Variants in CYP2C19 observed in about 807,000 individuals in gnomAD.
CYP2C19 encodes cytochrome P450 family 2 subfamily C member 19.
A neutral mutation model predicts 40.9 loss-of-function variants in CYP2C19; 59 were observed. That is an observed-to-expected ratio of 1.44 (90% CI 1.17 to 1.79). The LOEUF is 1.79. Ranked by LOEUF, CYP2C19 falls within the 40% of genes most tolerant of loss-of-function variation. The pLI is 0.00. For synonymous variants in CYP2C19, 253 were observed against 208.7 expected (o/e 1.21, Z -1.83); for missense variants, 754 against 596.9 (o/e 1.26, Z -2.74).
chr10:94,804,264 G>A (rs1848803973), intron 5 of CYP2C19, among the ~76,000 whole-genome samples: 1 of 152,176 alleles, frequency 6.6e-6, no homozygotes, highest in South Asian at 2.1e-4. Context: ...GAGAACTGCT[G>A]TAGCAGCTCT....
chr10:94,771,660 C>G (rs552237335), intron 1 of CYP2C19, among the ~76,000 whole-genome samples: 1 of 152,024 alleles, frequency 6.6e-6, no homozygotes, highest in Non-Finnish European at 1.5e-5. Context: ...TGTCTCTCAT[C>G]GGAAAGACAA....
At chr10:94,793,916 A>G (rs897789322) in intron 5 of CYP2C19, among the ~76,000 whole-genome samples, 3 of 152,114 alleles carry the variant, frequency 2.0e-5, no homozygotes, top group East Asian at 1.9e-4. Flanking sequence ...AGTCTGCAGA[A>G]GTTTCTGCTG....
chr10:94,816,802 C>G (rs966668082), intron 5 of CYP2C19, among the ~76,000 whole-genome samples: 32 of 148,564 alleles, frequency 2.2e-4, no homozygotes, highest in African/African-American at 7.2e-4. Flanking sequence ...TTGTTCAATT[C>G]CCACCTATGA....
In CYP2C19 at chr10:94,855,253, C is replaced by T. The variant is rs1167286427; in HGVS notation, c.*2339C>T. 6.6e-6 allele frequency among the ~76,000 whole-genome samples: 1 copy of T among 152,168 alleles called. No individual in the cohort carries two copies. The highest frequency in any genetic ancestry group is 1.5e-5 in the Non-Finnish European group (1 of 68,040). ...TCCAGACATTATTTAGCCTACCATA[C>T]TATTATTATACCCATTTGAACAACC... is the stretch of plus-strand genomic sequence containing the variant. On this transcript the variant is annotated 3_prime_UTR_variant, in exon 9 of 9. Coordinates refer to ENST00000371321, the MANE Select transcript of CYP2C19 (RefSeq NM_000769.4).
At chr10:94,797,906 G>T (rs930925834) in intron 5 of CYP2C19, among the ~76,000 whole-genome samples, 2 of 151,750 alleles carry the variant, frequency 1.3e-5, no homozygotes, top group African/African-American at 4.8e-5. Flanking sequence ...TCTTCCTAGT[G>T]GTCTATCAGT....
At chr10:94,813,274 G>C (rs1226669519) in intron 5 of CYP2C19, among the ~76,000 whole-genome samples, 4 of 151,974 alleles carry the variant, frequency 2.6e-5, no homozygotes, top group African/African-American at 9.7e-5. Flanking sequence ...CCAGATACCA[G>C]CCAAAGCTCT....
intron 1 of CYP2C19, chr10:94,774,668 A>G (rs1848382272): frequency 9.5e-6 from 2 of 211,200 alleles, no homozygotes; most frequent in African/African-American, 4.7e-5. Flanking sequence ...AAGAGTGCTG[A>G]TAAATTTCTC....
intron 5 of CYP2C19, among the ~76,000 whole-genome samples, chr10:94,799,406 C>A (rs1848733981): frequency 6.6e-6 from 1 of 152,138 alleles, no homozygotes; most frequent in African/African-American, 2.4e-5. Flanking sequence ...TTGTGGGTAA[C>A]CTGAGATTTC....
intron 5 of CYP2C19, among the ~76,000 whole-genome samples, chr10:94,808,635 G>A (rs749907451): frequency 1.3e-5 from 2 of 151,922 alleles, no homozygotes; most frequent in Non-Finnish European, 2.9e-5. Flanking sequence ...TATCTCCATG[G>A]GCTCAATTGT....
intron 3 of CYP2C19, among the ~76,000 whole-genome samples, chr10:94,777,886 A>G (rs752539095): frequency 2.6e-5 from 4 of 152,140 alleles, no homozygotes; most frequent in Non-Finnish European, 5.9e-5. Context: ...AATTTTTGCA[A>G]TCTGTCCATT....
intron 5 of CYP2C19, among the ~76,000 whole-genome samples, chr10:94,794,780 T>A (rs1277160919): frequency 6.6e-6 from 1 of 152,144 alleles, no homozygotes; most frequent in African/African-American, 2.4e-5. Flanking sequence ...CTGAAGTTGC[T>A]TATCAGCTTA....
chr10:94,809,512 C>G (rs1237771041), intron 5 of CYP2C19, among the ~76,000 whole-genome samples: 1 of 152,036 alleles, frequency 6.6e-6, no homozygotes, highest in Admixed American at 6.6e-5. Flanking sequence ...TGCAAACAGA[C>G]AAAATTTGAT....
chr10:94,771,982 A>T (rs1848340188), intron 1 of CYP2C19, among the ~76,000 whole-genome samples: 1 of 152,070 alleles, frequency 6.6e-6, no homozygotes, highest in Non-Finnish European at 1.5e-5. Flanking sequence ...GACTGAGAAA[A>T]ATCAGATTTA....
At chr10:94,830,323 A>G (rs1160726899) in intron 6 of CYP2C19, among the ~76,000 whole-genome samples, 2 of 151,828 alleles carry the variant, frequency 1.3e-5, no homozygotes, top group Non-Finnish European at 2.9e-5. Flanking sequence ...TGGGCGTAGG[A>G]CCCTCCGAGC....
intron 5 of CYP2C19, among the ~76,000 whole-genome samples, chr10:94,806,840 C>T (rs1304387719): frequency 6.6e-6 from 1 of 151,360 alleles, no homozygotes; most frequent in African/African-American, 2.4e-5. Context: ...GTGTAATGAT[C>T]AAGCAGGATG....
At chr10:94,776,117 A>G (rs1036367268) in intron 3 of CYP2C19, 11 of 152,888 alleles carry the variant, frequency 7.2e-5, no homozygotes, top group Admixed American at 5.8e-4. Flanking sequence ...ATCAGCTTTT[A>G]TTTCTCTGTA....
intron 5 of CYP2C19, among the ~76,000 whole-genome samples, chr10:94,811,134 T>A (rs947421367): frequency 1.3e-5 from 2 of 152,220 alleles, no homozygotes; most frequent in Non-Finnish European, 2.9e-5. Flanking sequence ...TTCATTTTGT[T>A]ATTTACCCAG....
At chr10:94,831,713 G>A (rs1000715991) in intron 6 of CYP2C19, among the ~76,000 whole-genome samples, 4 of 152,292 alleles carry the variant, frequency 2.6e-5, no homozygotes, top group Admixed American at 6.5e-5. Flanking sequence ...TTTGAGAAAT[G>A]TCTATTCAAA....
At chr10:94,821,176 A>C (rs1235076363) in intron 6 of CYP2C19, among the ~76,000 whole-genome samples, 1 of 152,226 alleles carries the variant, frequency 6.6e-6, no homozygotes, top group Admixed American at 6.5e-5. Context: ...ACAGCATGGC[A>C]GTTTCAAAAG....
Sources: allele counts gnomAD v4.1 joint callset (sites outside exome capture counted in the v4.1 genomes callset), GRCh38; gene constraint gnomAD v4.1.1; transcripts MANE v1.5; gene names NCBI Gene and HGNC (gene_info 2026-07-23, HGNC 2026-07-21).